The following LTBP3 variants were observed in gnomAD, a reference collection of about 807,000 sequenced individuals.
The protein encoded by LTBP3 is latent-transforming growth factor beta-binding protein 3.
A neutral mutation model predicts 159.7 loss-of-function variants in LTBP3; 97 were observed. The observed-to-expected ratio is 0.61, with a 90% CI of 0.52 to 0.72. LTBP3 has a LOEUF of 0.72. Ranked by LOEUF, LTBP3 falls within the 30% of genes least tolerant of loss-of-function variation. LTBP3 has a pLI of 0.00. For missense variants in LTBP3, 1,584 were observed against 1,864.3 expected (o/e 0.85, Z 2.77); for synonymous variants, 824 against 777.1 (o/e 1.06, Z -1.00).
chr11:65,542,065 G>T (rs1255543095), intron 18 of LTBP3: 6 of 344,122 alleles, frequency 1.7e-5, no homozygotes, highest in Non-Finnish European at 2.3e-5. Flanking sequence ...TGTGCTCAGG[G>T]CACCCTCCCC....
In LTBP3 at chr11:65,553,902, C is replaced by G; in HGVS notation, c.663G>C (p.Val221=). The G allele has an allele frequency of 6.5e-7, 1 of 1,538,936 alleles. No homozygotes were observed. Among genetic ancestry groups the G allele is most frequent in the Non-Finnish European group, 8.7e-7 (1 of 1,146,648 alleles). The change falls in exon 3 of 28, where the codon GTG becomes GTC. Residue 221 remains valine, a splice_region_variant and synonymous_variant. Coordinates refer to ENST00000301873, the MANE Select transcript of LTBP3 (RefSeq NM_001130144.3). The surrounding 1 kb of genome is among the most constrained non-coding windows in gnomAD (Gnocchi z 6.5). ...PLGPGQISAE[V]QAPPPVVNVR... ...CATTCACCACGGGGGGCGGGGCCTG[C>G]ACTGGGGGCGGGCGCGGTGGCCTCA...
Position 65,552,783 on chromosome 11 carries a change from C to G in LTBP3, c.1186+77G>C, listed in dbSNP as rs776736533. ...CCTGCAGTCAACCCTTAACCCCACT[C>G]TGATCTCTTGCGATCTCTGATCCTT... On this transcript the variant is annotated intron_variant, in intron 6 of 27. Transcript: ENST00000301873. This position sits in a 1 kb window ranked among gnomAD's most constrained non-coding sequence, Gnocchi z 6.0. 1.6e-5 allele frequency: 25 copies of G among 1,607,768 alleles called. No individual in the cohort carries two copies. The highest frequency in any genetic ancestry group is 6.7e-5 in the Admixed American group (4 of 59,954).
Position 65,553,648 on chromosome 11 carries a change from G to T in LTBP3, c.864+53C>A. 6.5e-7 allele frequency: 1 copy of T among 1,537,216 alleles called. No individual in the cohort carries two copies. Among genetic ancestry groups the T allele is most frequent in the Non-Finnish European group, 8.8e-7 (1 of 1,140,442 alleles). ...TTTTCTGCTATCCGAGTGAGTTGGG[G>T]CAGAGCAACCCTGAGAGAAGGAAAG... is the stretch of plus-strand genomic sequence containing the variant. On this transcript the variant is annotated intron_variant, in intron 3 of 27. Transcript: ENST00000301873. The surrounding 1 kb of genome is among the most constrained non-coding windows in gnomAD (Gnocchi z 6.5).
rs1392899936 is a variant in LTBP3 at position 65,539,645 on chromosome 11, T to G, written c.3548-17A>C. On this transcript the variant is annotated splice_polypyrimidine_tract_variant and intron_variant, in intron 25 of 27. Transcript: ENST00000301873. ...AATGGGACCCTGGGAGGAGCAGAAC[T>G]GGTCAGCGACGTCCGGGTCCCCGGG... 6.2e-7 allele frequency: 1 copy of G among 1,603,778 alleles called. No individual in the cohort carries two copies.
intron 18 of LTBP3, 81 bp downstream of exon 18, chr11:65,543,022 TGG>T: frequency 6.3e-7 from 1 of 1,575,786 alleles, no homozygotes; most frequent in Non-Finnish European, 8.7e-7. Context: ...GGTGGATGGA[TGG>T]ATGGAGAAAG....
chr11:65,550,191 C>T (rs1856550825), intron 11 of LTBP3, among the ~76,000 whole-genome samples: 1 of 152,098 alleles, frequency 6.6e-6, no homozygotes, highest in African/African-American at 2.4e-5. Context: ...GGGCGGATCA[C>T]AAGGTCAGGA....
At position 65,543,367 on chromosome 11, in the gene LTBP3, G is replaced by C; in HGVS notation, c.2476+60C>G. 2.5e-6 allele frequency: 4 copies of C among 1,612,478 alleles called. No homozygotes were observed. In the Admixed American group the frequency reaches 5.0e-5, roughly 20 times the overall value. On this transcript the variant is annotated intron_variant, in intron 17 of 27. Transcript: ENST00000301873. ...GATCTGGATTAGGACTGGACCCTGG[G>C]GGGTGGGGGTCCTGGGGTAGGGAGG...
At position 65,553,286 on chromosome 11, in the gene LTBP3, G is replaced by A; in HGVS notation, c.971-30C>T. On this transcript the variant is annotated intron_variant, in intron 4 of 27. Coordinates refer to ENST00000301873, the MANE Select transcript of LTBP3 (RefSeq NM_001130144.3). This position sits in a 1 kb window ranked among gnomAD's most constrained non-coding sequence, Gnocchi z 6.5. ...AGAGAGAGGATAGCTTGGCAGGGGAGGGTGAGGAGGGAACTGGGGAGGGGC... is the reference window on the plus strand; with the variant it reads ...AGAGAGAGGATAGCTTGGCAGGGGAAGGTGAGGAGGGAACTGGGGAGGGGC... The A allele has an allele frequency of 6.3e-7, 1 of 1,591,976 alleles. No homozygotes were observed. Among genetic ancestry groups the A allele is most frequent in the East Asian group, 2.2e-5 (1 of 44,758 alleles).
intron 1 of LTBP3, among the ~76,000 whole-genome samples, chr11:65,555,421 C>G (rs761537606): frequency 1.3e-4 from 20 of 152,278 alleles, no homozygotes; most frequent in South Asian, 4.1e-4. Flanking sequence ...AGGTCCCCCC[C>G]CTCTCTATAT....
rs1156855428 is a variant in LTBP3, at chr11:65,540,490, G to A, written c.3102C>T (p.Cys1034=). The A allele has an allele frequency of 2.5e-6, 4 of 1,613,510 alleles. No individual in the cohort carries two copies. Among genetic ancestry groups the A allele is most frequent in the Non-Finnish European group, 3.4e-6 (4 of 1,179,844 alleles). The change falls in exon 22 of 28, where the codon TGC becomes TGT. Residue 1034 remains cysteine, a synonymous_variant. Transcript: ENST00000301873. ...GFYYDGNLLE[C]VDVDECLDES... is the part of the protein sequence containing the mutation. ...CCGCCGGGGGGCGGAGCTCACCCAC[G>A]CATTCCAGCAGGTTCCCGTCGTAGT...
Position 65,550,653 on chromosome 11 carries a change from G to A in LTBP3, c.1720+473C>T, listed in dbSNP as rs568246306. The stretch of plus-strand genomic sequence containing the variant: ...ACCCTGGCCAACATGGTGAAACCCC[G>A]TCTCTACTAAAAAAAAAAAAATTAG... On this transcript the variant is annotated intron_variant, in intron 11 of 27. Transcript: ENST00000301873. Among the ~76,000 whole-genome samples the A allele has an allele frequency of 2.3e-4, 14 of 61,496 alleles. 1 individual carries two copies. The highest frequency in any genetic ancestry group is 5.6e-4 in the African/African-American group (10 of 17,756). 40.3% of individuals were successfully genotyped at this position (61,496 alleles called of 152,430 possible). A position where few individuals can be genotyped will look rare whatever the true frequency, so the allele number is the denominator to read the frequency against.
chr11:65,541,989 A>G (rs189003768), intron 18 of LTBP3: 33 of 458,350 alleles, frequency 7.2e-5, no homozygotes, highest in African/African-American at 4.8e-4. Flanking sequence ...CTCAAATGCA[A>G]TTGAGCTTCC....
intron 19 of LTBP3, 85 bp downstream of exon 19, chr11:65,541,515 G>T: frequency 3.1e-6 from 5 of 1,600,036 alleles, no homozygotes; most frequent in Non-Finnish European, 3.4e-6. Context: ...AAATTTAGGA[G>T]GGTGGGGCCA....
Position 65,553,539 on chromosome 11 carries a change from AGGAGGG to A in LTBP3, c.865-15_865-10del. The A allele has an allele frequency of 6.7e-7, 1 of 1,493,634 alleles. No homozygotes were observed. Among genetic ancestry groups the A allele is most frequent in the Non-Finnish European group, 9.3e-7 (1 of 1,073,754 alleles). 92.5% of individuals were successfully genotyped at this position (1,493,634 alleles called of 1,614,324 possible). On this transcript the variant is annotated splice_polypyrimidine_tract_variant and intron_variant, in intron 3 of 27. Transcript: ENST00000301873. This position sits in a 1 kb window ranked among gnomAD's most constrained non-coding sequence, Gnocchi z 6.5. ...AGGGGGTTGCTGCCACACTAGGGGA[AGGAGGG>A]GGAGGTGGGGTCACAGAGCACCCCG...
Position 65,547,992 on chromosome 11 carries a change from G to A in LTBP3, c.1774C>T (p.Pro592Ser). ...QNICGHGECV[P>S]GPPDYSCHCN... is the part of the protein sequence containing the mutation. ...TGGCAGGAGTAGTCAGGGGGGCCCG[G>A]CACGCACTCTCCGTGGCCACAGATG... is the stretch of plus-strand genomic sequence containing the variant. The change falls in exon 12 of 28, where the codon CCG (proline) becomes TCG (serine). Residue 592 changes from proline to serine, a missense_variant. This residue lies in a region of LTBP3 where 565 missense variants were observed against 677.7 expected (regional missense o/e 0.83). Transcript: ENST00000301873. The surrounding 1 kb of genome is among the most constrained non-coding windows in gnomAD (Gnocchi z 4.6). 2.5e-6 allele frequency: 4 copies of A among 1,613,804 alleles called. No homozygotes were observed. Among genetic ancestry groups the A allele is most frequent in the Non-Finnish European group, 3.4e-6 (4 of 1,179,990 alleles).
chr11:65,540,312 G>C lies in LTBP3; in HGVS notation c.3177C>G (p.Arg1059=). 3.8e-6 allele frequency: 6 copies of C among 1,569,186 alleles called. No individual in the cohort carries two copies. The highest frequency in any genetic ancestry group is 1.2e-5 in the South Asian group (1 of 85,668). Residue 1059 remains arginine, a synonymous_variant, in exon 23 of 28, where the codon CGC becomes CGG. Coordinates refer to ENST00000301873, the MANE Select transcript of LTBP3 (RefSeq NM_001130144.3). ...ACTCGGCAGGGGGCGTGCAGGCACA[G>C]CGGTAGCCGCCGCGCGTGTTCTCAC... ...GVCENTRGGY[R]CACTPPAEYS...
chr11:65,547,848 A>G lies in LTBP3; in HGVS notation c.1847-27T>C, dbSNP rs1398425772. ...TGAGAAGAACGGGTAGGCCAAGAAA[A>G]GTCAAAGGAAGCGTCGTTATCTGGG... On this transcript the variant is annotated intron_variant, in intron 12 of 27. Coordinates refer to ENST00000301873, the MANE Select transcript of LTBP3 (RefSeq NM_001130144.3). The surrounding 1 kb of genome is among the most constrained non-coding windows in gnomAD (Gnocchi z 4.6). The G allele has an allele frequency of 6.2e-7, 1 of 1,613,098 alleles. No homozygotes were observed. Among genetic ancestry groups the G allele is most frequent in the Non-Finnish European group, 8.5e-7 (1 of 1,179,926 alleles).
Position 65,547,838 on chromosome 11 carries a change from G to A in LTBP3, c.1847-17C>T, listed in dbSNP as rs1856441893. On this transcript the variant is annotated splice_polypyrimidine_tract_variant and intron_variant, in intron 12 of 27. Transcript: ENST00000301873. The surrounding 1 kb of genome is among the most constrained non-coding windows in gnomAD (Gnocchi z 4.6). ...CGTTCACATCTGAGAAGAACGGGTA[G>A]GCCAAGAAAAGTCAAAGGAAGCGTC... 1 of 1,613,308 alleles carries A rather than the reference G, an allele frequency of 6.2e-7. No individual in the cohort carries two copies. The highest frequency in any genetic ancestry group is 2.2e-5 in the East Asian group (1 of 44,878).
In LTBP3 at chr11:65,554,243, C is replaced by T. The variant is rs1377910700; in HGVS notation, c.469G>A (p.Gly157Ser). Reference sequence around the variant, plus strand: ...GACAGGGCCCCTGTCCTGCTCAGGCCGGGGCCTGAGCCGCCGGTACCCCCA... The same window carrying T: ...GACAGGGCCCCTGTCCTGCTCAGGCTGGGGCCTGAGCCGCCGGTACCCCCA... Reference protein sequence around the residue: ...AGGGTGGSGPGLSRTGALSTG... With the variant: ...AGGGTGGSGPSLSRTGALSTG... The change falls in exon 2 of 28, where the codon GGC (glycine) becomes AGC (serine). Residue 157 changes from glycine to serine, a missense_variant. Coordinates refer to ENST00000301873, the MANE Select transcript of LTBP3 (RefSeq NM_001130144.3). This position sits in a 1 kb window ranked among gnomAD's most constrained non-coding sequence, Gnocchi z 5.3. 16 of 1,596,492 alleles carry T rather than the reference C, an allele frequency of 1.0e-5. No homozygotes were observed. The highest frequency in any genetic ancestry group is 1.2e-5 in the Non-Finnish European group (14 of 1,172,198).
Sources: allele counts gnomAD v4.1 joint callset (sites outside exome capture counted in the v4.1 genomes callset), GRCh38; gene constraint gnomAD v4.1.1; regional missense constraint gnomAD v4.1.1; non-coding constraint Gnocchi (gnomAD v3.1); transcripts MANE v1.5; gene names NCBI Gene and HGNC (gene_info 2026-07-23, HGNC 2026-07-21).